Variants in NLN observed in about 807,000 individuals in gnomAD.
NLN encodes neurolysin, mitochondrial.
A neutral mutation model predicts 79.9 loss-of-function variants in NLN; 64 were observed. The ratio of observed to expected loss-of-function variants is 0.80; its 90% CI spans 0.65 to 0.99. The LOEUF (loss-of-function observed/expected upper bound fraction) is 0.99, where lower values mean the gene tolerates loss of function less well. Among genes scored for constraint, NLN ranks in the 50% least tolerant of loss-of-function variants. The probability of loss-of-function intolerance (pLI) is 0.00; values close to 1 mark genes in which losing one functional copy is unlikely to be tolerated. For synonymous variants in NLN, 267 were observed against 296.6 expected, an observed-to-expected ratio of 0.90 and a Z score of 1.02; for missense variants, 835 against 858.7, an observed-to-expected ratio of 0.97 and a Z score of 0.34.
intron 12 of NLN, among the ~76,000 whole-genome samples, chr5:65,820,467 G>C (rs563979033): frequency 2.0e-5 from 3 of 152,102 alleles, no homozygotes; most frequent in Non-Finnish European, 4.4e-5. Context: ...CGTTCTTCCT[G>C]TACTGCTCTA....
intron 1 of NLN, among the ~76,000 whole-genome samples, chr5:65,755,234 A>AATTTCTTACAT (rs1759193832): frequency 6.6e-6 from 1 of 152,218 alleles, no homozygotes; most frequent in Non-Finnish European, 1.5e-5. Flanking sequence ...AACTATGATA[A>AATTTCTTACAT]ATTTCTTACA....
intron 11 of NLN, 62 bp from the exon 12 acceptor site, chr5:65,812,193 A>G (rs1244406902): frequency 2.5e-5 from 36 of 1,431,424 alleles, no homozygotes; most frequent in Non-Finnish European, 3.1e-5. Context: ...AACCTTAGCT[A>G]GCTGTTAACC....
chr5:65,809,638 G>C lies in NLN; in HGVS notation c.1651G>C (p.Asp551His). 2 of 1,614,048 alleles carry C rather than the reference G, an allele frequency of 1.2e-6. No individual in the cohort carries two copies. Among genetic ancestry groups the C allele is most frequent in the Non-Finnish European group, 1.7e-6 (2 of 1,179,998 alleles). Residue 551 changes from aspartate to histidine, a missense_variant, in exon 10 of 13, where the codon GAT becomes CAT. By Grantham distance (81) the Asp-to-His change is moderately conservative (BLOSUM62 -1). Coordinates refer to ENST00000380985, the MANE Select transcript of NLN (RefSeq NM_020726.5). ...SLRRLSKHYK[D>H]GSPIADDLLE... The stretch of plus-strand genomic sequence containing the variant: ...CCGAAGATTGTCAAAACATTATAAA[G>C]ATGGAAGCCCTATTGCAGACGATCT...
chr5:65,786,224 G>A (rs546990901), intron 7 of NLN, among the ~76,000 whole-genome samples: 3 of 152,110 alleles, frequency 2.0e-5, no homozygotes, highest in Non-Finnish European at 4.4e-5. Flanking sequence ...TAGGGATTTA[G>A]TAGTCATAGC....
At chr5:65,777,384 G>A in intron 3 of NLN, 43 bp from the exon 4 acceptor site, 2 of 1,225,392 alleles carry the variant, frequency 1.6e-6, no homozygotes, top group Non-Finnish European at 2.4e-6. Flanking sequence ...ATTTACCTGT[G>A]CACTGTTTCA....
chr5:65,748,744 C>A (rs1284197425), intron 1 of NLN, among the ~76,000 whole-genome samples: 1 of 152,096 alleles, frequency 6.6e-6, no homozygotes, highest in African/African-American at 2.4e-5. Context: ...CAGAACGAGA[C>A]CCTGTCCCAA....
chr5:65,782,901 G>C (rs981271920), intron 6 of NLN, among the ~76,000 whole-genome samples: 1 of 152,180 alleles, frequency 6.6e-6, no homozygotes, highest in Admixed American at 6.5e-5. Context: ...GCAAGCAACA[G>C]TTTTCACAAA....
intron 9 of NLN, among the ~76,000 whole-genome samples, chr5:65,796,048 C>T (rs996437032): frequency 1.3e-5 from 2 of 152,108 alleles, no homozygotes; most frequent in African/African-American, 4.8e-5. Flanking sequence ...GCATGAAATT[C>T]CAAAAGGCTC....
In NLN at chr5:65,777,431, C is replaced by A. The variant is rs767414948; in HGVS notation, c.455C>A (p.Thr152Asn). Residue 152 changes from threonine to asparagine, a missense_variant, in exon 4 of 13, where the codon ACC (threonine) becomes AAC (asparagine). Physicochemically the swap from Thr to Asn is moderately conservative, Grantham distance 65 (BLOSUM62 0). Coordinates refer to ENST00000380985, the MANE Select transcript of NLN (RefSeq NM_020726.5). ...TTTCATGCTCTTTAATTTCAGGAAA[C>A]CTGTGATCTGGGGAAGATAAAACCT... is the stretch of plus-strand genomic sequence containing the variant. ...IFERIVHLQETCDLGKIKPEA... is the reference protein window; with the variant it reads ...IFERIVHLQENCDLGKIKPEA... The A allele has an allele frequency of 1.2e-5, 19 of 1,604,118 alleles. No individual in the cohort carries two copies. Among genetic ancestry groups the A allele is most frequent in the South Asian group, 4.4e-5 (4 of 90,656 alleles).
chr5:65,757,867 G>A (rs556721548), intron 1 of NLN, among the ~76,000 whole-genome samples: 9 of 151,960 alleles, frequency 5.9e-5, no homozygotes, highest in Non-Finnish European at 8.8e-5. Context: ...ATGTTTCCTC[G>A]CTAAACTTGC....
chr5:65,809,427 C>A, intron 9 of NLN, 88 bp from the exon 10 acceptor site: 1 of 1,121,158 alleles, frequency 8.9e-7, no homozygotes, highest in Non-Finnish European at 1.3e-6. Flanking sequence ...CTGATTCTGC[C>A]TTAAGTTTTC....
At chr5:65,761,447 C>T (rs981014116) in intron 2 of NLN, among the ~76,000 whole-genome samples, 19 of 152,026 alleles carry the variant, frequency 1.2e-4, no homozygotes, top group Admixed American at 9.8e-4. Context: ...CATGCACCAC[C>T]GTGCTCAGCT....
intron 6 of NLN, among the ~76,000 whole-genome samples, chr5:65,784,519 C>T (rs149959707): frequency 5.8e-4 from 88 of 152,218 alleles, no homozygotes; most frequent in African/African-American, 2.0e-3. Context: ...CTAGAAAGGG[C>T]CTTTTTTCTA....
At chr5:65,815,457 A>G (rs1425848515) in intron 12 of NLN, among the ~76,000 whole-genome samples, 1 of 152,250 alleles carries the variant, frequency 6.6e-6, no homozygotes, top group African/African-American at 2.4e-5. Flanking sequence ...AAAACTTGTG[A>G]TGTTGAAAAC....
rs911090916 is a variant in NLN at position 65,806,963 on chromosome 5, G to A, written c.1528-2552G>A. The stretch of plus-strand genomic sequence containing the variant: ...AGGCCGAGGTGGGTGGATCACCTGC[G>A]GTCAGGAGTTTGAGACCAGCCTGGC... On this transcript the variant is annotated intron_variant, in intron 9 of 12. Transcript: ENST00000380985. Among the ~76,000 whole-genome samples, 7 of 152,148 alleles carry A rather than the reference G, an allele frequency of 4.6e-5. No individual in the cohort carries two copies. In the South Asian group the frequency reaches 1.0e-3, roughly 23 times the overall value.
chr5:65,790,910 G>C (rs1760043785), intron 8 of NLN, among the ~76,000 whole-genome samples: 1 of 152,126 alleles, frequency 6.6e-6, no homozygotes, highest in African/African-American at 2.4e-5. Flanking sequence ...TCATTCTGCT[G>C]TCTCACTGCC....
chr5:65,792,691 T>G, intron 9 of NLN, 36 bp downstream of exon 9: 5 of 1,494,132 alleles, frequency 3.3e-6, no homozygotes, highest in Non-Finnish European at 4.7e-6. Flanking sequence ...ACCTGCCAAT[T>G]AGTTTTTTTA....
chr5:65,765,998 C>T (rs191239202), intron 3 of NLN, among the ~76,000 whole-genome samples: 46 of 152,244 alleles, frequency 3.0e-4, no homozygotes, highest in Non-Finnish European at 5.6e-4. Flanking sequence ...TCTATTGATG[C>T]ATAACATATT....
chr5:65,809,408 C>A, intron 9 of NLN, 107 bp from the exon 10 acceptor site: 1 of 850,374 alleles, frequency 1.2e-6, no homozygotes, highest in Non-Finnish European at 1.8e-6. Flanking sequence ...TTCAGAGGAA[C>A]AGTTGAGTCT....
Sources: gnomAD v4.1 joint callset for allele counts (sites outside exome capture counted in the v4.1 genomes callset) on GRCh38, gnomAD v4.1.1 for gene constraint, MANE v1.5 for transcripts, NCBI Gene and HGNC (gene_info 2026-07-23, HGNC 2026-07-21) for gene names.